TTC39B: variants seen among roughly 807,000 people sequenced by gnomAD.
The protein encoded by TTC39B is tetratricopeptide repeat protein 39B.
A neutral mutation model predicts 96.6 loss-of-function variants in TTC39B; 92 were observed. That is an observed-to-expected ratio of 0.95 (90% CI 0.80 to 1.13). The LOEUF (loss-of-function observed/expected upper bound fraction) is 1.13. Ranked by LOEUF, TTC39B falls within the 50% of genes most tolerant of loss-of-function variation. The pLI is 0.00. For missense variants in TTC39B, 955 were observed against 809.3 expected (o/e 1.18, Z -2.18); for synonymous variants, 367 against 299.4 (o/e 1.23, Z -2.33).
At chr9:15,198,202 T>C (rs1819290090) in intron 8 of TTC39B, among the ~76,000 whole-genome samples, 1 of 152,158 alleles carries the variant, frequency 6.6e-6, no homozygotes, top group South Asian at 2.1e-4. Context: ...CTCATGCCTG[T>C]AATCCCAGCG....
intron 2 of TTC39B, 114 bp from the exon 3 acceptor site, chr9:15,226,126 C>A: frequency 1.3e-6 from 1 of 754,678 alleles, no homozygotes; most frequent in Non-Finnish European, 2.0e-6. Flanking sequence ...CATCTTACCT[C>A]CATTTCTTAT....
At chr9:15,198,212 G>A (rs955565489) in intron 8 of TTC39B, among the ~76,000 whole-genome samples, 6 of 151,972 alleles carry the variant, frequency 3.9e-5, no homozygotes, top group African/African-American at 9.7e-5. Context: ...TAATCCCAGC[G>A]CTTTGGGAGG....
At chr9:15,253,981 T>C (rs181093297) in intron 2 of TTC39B, among the ~76,000 whole-genome samples, 2 of 152,248 alleles carry the variant, frequency 1.3e-5, no homozygotes, top group African/African-American at 4.8e-5. Flanking sequence ...CCTGGCTCAG[T>C]GTCAACATTG....
exon 20 of TTC39B, chr9:15,170,102 AATT>A (rs1310365272): frequency 2.9e-5 from 3 of 102,702 alleles, no homozygotes; most frequent in Non-Finnish European, 6.1e-5. Flanking sequence ...TTCCACTACT[AATT>A]ATAATGACAG....
At chr9:15,217,021 T>TATA (rs2131371478) in intron 3 of TTC39B, among the ~76,000 whole-genome samples, 1 of 152,164 alleles carries the variant, frequency 6.6e-6, no homozygotes, top group South Asian at 2.1e-4. Context: ...CCAATTGCTG[T>TATA]ATAATGGAGC....
chr9:15,189,745 A>G (rs762328112), exon 12 of TTC39B: 7 of 1,613,936 alleles, frequency 4.3e-6, no homozygotes, highest in Admixed American at 3.3e-5. Flanking sequence ...TGCTGGAGGA[A>G]GGGTGCCAGG....
chr9:15,301,435 C>T (rs1015440056), intron 1 of TTC39B, among the ~76,000 whole-genome samples: 44 of 152,258 alleles, frequency 2.9e-4, no homozygotes, highest in African/African-American at 7.2e-5. Context: ...ACCTGCCAGG[C>T]GTTCAATGAA....
intron 1 of TTC39B, among the ~76,000 whole-genome samples, chr9:15,304,653 C>T (rs1334789482): frequency 2.0e-5 from 3 of 151,078 alleles, no homozygotes; most frequent in African/African-American, 7.3e-5. Context: ...TCCCCAACCT[C>T]CCCCCCGACC....
intron 2 of TTC39B, among the ~76,000 whole-genome samples, chr9:15,228,039 T>G (rs1821220347): frequency 6.6e-6 from 1 of 152,206 alleles, no homozygotes; most frequent in African/African-American, 2.4e-5. Context: ...CCCTAATCTT[T>G]TGCCATGTTT....
Position 15,177,676 on chromosome 9 carries a change from G to A in TTC39B, c.1841+21C>T, listed in dbSNP as rs767600469. 1.5e-5 allele frequency: 23 copies of A among 1,536,944 alleles called. No homozygotes were observed. The South Asian group carries it at 2.0e-4, about 13-fold the overall frequency. On this transcript the variant is annotated intron_variant, in intron 18 of 19. Transcript: ENST00000512701. The stretch of plus-strand genomic sequence containing the variant: ...AGAAACCACAATTTGCACTTGGGCT[G>A]GTTTTATTGTTTGGTCTTACCTTTC...
intron 2 of TTC39B, among the ~76,000 whole-genome samples, chr9:15,263,417 A>G (rs1450773151): frequency 2.0e-5 from 3 of 152,248 alleles, no homozygotes; most frequent in Non-Finnish European, 4.4e-5. Context: ...CTGGGACTAC[A>G]GTTCAAGTCT....
At chr9:15,255,818 ATCAG>A (rs1822730203) in intron 2 of TTC39B, among the ~76,000 whole-genome samples, 1 of 152,232 alleles carries the variant, frequency 6.6e-6, no homozygotes. Context: ...TATGAACACA[ATCAG>A]CCACAGTCTT....
At chr9:15,250,805 C>T (rs368604438) in intron 2 of TTC39B, among the ~76,000 whole-genome samples, 2 of 152,170 alleles carry the variant, frequency 1.3e-5, no homozygotes, top group African/African-American at 4.8e-5. Flanking sequence ...ATAAGGTGGT[C>T]GTTGACTTCA....
intron 2 of TTC39B, among the ~76,000 whole-genome samples, chr9:15,238,048 T>A (rs1454862918): frequency 6.6e-6 from 1 of 152,180 alleles, no homozygotes; most frequent in Non-Finnish European, 1.5e-5. Context: ...AAAAAACAAC[T>A]GATAAAATCC....
intron 15 of TTC39B, 81 bp from the exon 16 acceptor site, chr9:15,185,487 C>T (rs757166539): frequency 1.3e-6 from 2 of 1,573,298 alleles, no homozygotes; most frequent in Admixed American, 3.7e-5. Context: ...TCACAGTGAA[C>T]TTCACAGACC....
intron 1 of TTC39B, among the ~76,000 whole-genome samples, chr9:15,273,326 T>C (rs894349809): frequency 2.0e-4 from 30 of 152,140 alleles, no homozygotes; most frequent in African/African-American, 7.2e-4. Context: ...ATTCACTTCG[T>C]GGTTTGAAAA....
chr9:15,251,566 A>G (rs1822539624), intron 2 of TTC39B, among the ~76,000 whole-genome samples: 1 of 151,828 alleles, frequency 6.6e-6, no homozygotes, highest in African/African-American at 2.4e-5. Flanking sequence ...CATCTCAAAA[A>G]AAATTAAAGC....
intron 11 of TTC39B, 127 bp from the exon 12 acceptor site, chr9:15,189,919 AT>A: frequency 1.5e-6 from 1 of 668,538 alleles, no homozygotes; most frequent in Non-Finnish European, 2.6e-6. Flanking sequence ...TTATTTCATC[AT>A]TTTTATATCT....
chr9:15,216,978 A>G (rs1396438493), intron 3 of TTC39B, among the ~76,000 whole-genome samples: 1 of 152,152 alleles, frequency 6.6e-6, no homozygotes, highest in African/African-American at 2.4e-5. Context: ...ATTACTGAGG[A>G]TGGTCAGGAA....
Sources: gnomAD v4.1 joint callset for allele counts (sites outside exome capture counted in the v4.1 genomes callset) on GRCh38, gnomAD v4.1.1 for gene constraint, MANE v1.5 for transcripts, NCBI Gene and HGNC (gene_info 2026-07-23, HGNC 2026-07-21) for gene names.